NCKAP5: variants seen among roughly 807,000 people sequenced by gnomAD.
NCKAP5 encodes the protein NCK associated protein 5, also known as nck-associated protein 5.
NCKAP5 carries 92 observed loss-of-function variants against 167.0 expected under a neutral mutation model. That is an observed-to-expected ratio of 0.55 (90% CI 0.47 to 0.66). The LOEUF is 0.66. Among genes scored for constraint, NCKAP5 ranks in the 30% least tolerant of loss-of-function variants. The pLI is 0.00. For missense variants in NCKAP5, 2,378 were observed against 2,315.0 expected (o/e 1.03, Z -0.56); for synonymous variants, 891 against 877.4 (o/e 1.02, Z -0.27).
chr2:132,892,770 C>A (rs1160539030), intron 8 of NCKAP5, among the ~76,000 whole-genome samples: 3 of 152,008 alleles, frequency 2.0e-5, no homozygotes, highest in African/African-American at 7.2e-5. Flanking sequence ...CAATATAAAT[C>A]CTTTGTGTTG....
intron 19 of NCKAP5, among the ~76,000 whole-genome samples, chr2:132,696,188 C>T (rs1055998900): frequency 3.3e-5 from 5 of 152,170 alleles, no homozygotes; most frequent in Non-Finnish European, 7.3e-5. Context: ...ATGATGACTC[C>T]AGAGAAGGGC....
intron 16 of NCKAP5, among the ~76,000 whole-genome samples, chr2:132,746,435 C>A (rs1214716657): frequency 2.0e-5 from 3 of 151,828 alleles, no homozygotes; most frequent in Admixed American, 6.6e-5. Flanking sequence ...ACAAAACATC[C>A]AGAAGAAAAT....
In NCKAP5 at chr2:132,701,058, C is replaced by T. The variant is rs575769104; in HGVS notation, c.5713+24569G>A. Among the ~76,000 whole-genome samples, 482 of 151,340 alleles carry T rather than the reference C, an allele frequency of 3.2e-3. 1 individual carries two copies. Among genetic ancestry groups the T allele is most frequent in the African/African-American group, 8.8e-3 (360 of 40,910 alleles). The stretch of plus-strand genomic sequence containing the variant: ...CTTTTAATATAAGTAATATACTTAA[C>T]GATAAATACAATAAGTATTACATAT... On this transcript the variant is annotated intron_variant, in intron 19 of 19. Transcript: ENST00000409261.
At chr2:133,307,089 T>C (rs1398106142) in intron 3 of NCKAP5, among the ~76,000 whole-genome samples, 2 of 152,222 alleles carry the variant, frequency 1.3e-5, no homozygotes, top group African/African-American at 2.4e-5. Context: ...AGCACAAAGA[T>C]ACTATTAAAC....
chr2:132,820,555 T>G (rs182715366), intron 11 of NCKAP5, among the ~76,000 whole-genome samples: 1 of 151,492 alleles, frequency 6.6e-6, no homozygotes, highest in East Asian at 1.9e-4. Flanking sequence ...TTGTTTTTTG[T>G]TTTTTTTAAA....
chr2:133,559,496 T>C (rs1688008142), intron 1 of NCKAP5, among the ~76,000 whole-genome samples: 1 of 152,162 alleles, frequency 6.6e-6, no homozygotes, highest in Non-Finnish European at 1.5e-5. Flanking sequence ...GTTTTTAAAA[T>C]TGTTTTTTTA....
intron 19 of NCKAP5, among the ~76,000 whole-genome samples, chr2:132,701,017 G>C (rs997658012): frequency 1.3e-5 from 2 of 151,564 alleles, no homozygotes; most frequent in African/African-American, 4.9e-5. Context: ...TCGGCAATAG[G>C]TCTGTGGGTA....
chr2:133,644,138 G>GTCC, the NCKAP5 span, among the ~76,000 whole-genome samples: 1 of 152,166 alleles, frequency 6.6e-6, no homozygotes, highest in Non-Finnish European at 1.5e-5. Context: ...TGTCTGTGAG[G>GTCC]ATGTTCCTGG....
At chr2:133,124,832 GA>G (rs2082351602) in intron 6 of NCKAP5, among the ~76,000 whole-genome samples, 1 of 152,278 alleles carries the variant, frequency 6.6e-6, no homozygotes, top group African/African-American at 2.4e-5. Flanking sequence ...AAGATCACCT[GA>G]GCCCAGGAGT....
At chr2:133,673,960 T>C in the NCKAP5 span, among the ~76,000 whole-genome samples, 8 of 152,196 alleles carry the variant, frequency 5.3e-5, no homozygotes, top group Non-Finnish European at 1.2e-4. Flanking sequence ...TCAATGCCCC[T>C]GCTCAGCCAT....
chr2:133,123,871 T>C (rs1429520610), intron 6 of NCKAP5: 1 of 467,426 alleles, frequency 2.1e-6, no homozygotes, highest in African/African-American at 2.0e-5. Flanking sequence ...GGTAGAACAT[T>C]TAAGGGCATA....
At chr2:133,363,046 G>A (rs1488821204) in intron 3 of NCKAP5, among the ~76,000 whole-genome samples, 2 of 152,092 alleles carry the variant, frequency 1.3e-5, no homozygotes, top group South Asian at 2.1e-4. Flanking sequence ...GATTACAGGC[G>A]TGAGCCACCG....
In NCKAP5 at chr2:132,859,311, T is replaced by C. The variant is rs570944514; in HGVS notation, c.807+1181A>G. On this transcript the variant is annotated intron_variant, in intron 11 of 19. Transcript: ENST00000409261. Reference sequence around the variant, plus strand: ...TCTTTCTCTGAAATGAATTACAATTTCCCGTTATTTCTCTGAGGAGTCCTA... The same window carrying C: ...TCTTTCTCTGAAATGAATTACAATTCCCCGTTATTTCTCTGAGGAGTCCTA... Among the ~76,000 whole-genome samples, 5 of 152,284 alleles carry C rather than the reference T, an allele frequency of 3.3e-5. No homozygotes were observed. In the South Asian group the frequency reaches 1.0e-3, roughly 32 times the overall value.
At chr2:133,069,161 G>C (rs180921362) in intron 6 of NCKAP5, among the ~76,000 whole-genome samples, 34 of 152,224 alleles carry the variant, frequency 2.2e-4, no homozygotes, top group African/African-American at 7.7e-4. Context: ...GATGCCTTAA[G>C]GTCTTTCTTC....
intron 6 of NCKAP5, 62 bp from the exon 7 acceptor site, chr2:132,994,301 G>T: frequency 1.6e-6 from 2 of 1,220,150 alleles, no homozygotes; most frequent in South Asian, 1.4e-5. Context: ...GGATCCACTC[G>T]AGTTGTAGAA....
chr2:132,962,488 A>C (rs2076543752), intron 8 of NCKAP5, among the ~76,000 whole-genome samples: 1 of 152,174 alleles, frequency 6.6e-6, no homozygotes, highest in African/African-American at 2.4e-5. Flanking sequence ...TCACCGAGGA[A>C]ATTAGTGTAA....
the NCKAP5 span, among the ~76,000 whole-genome samples, chr2:133,601,468 G>A: frequency 2.6e-5 from 4 of 152,236 alleles, no homozygotes; most frequent in Non-Finnish European, 2.9e-5. Context: ...AGTGTTTCAC[G>A]CCTATAACCC....
At chr2:133,020,159 A>T (rs1281392776) in intron 6 of NCKAP5, among the ~76,000 whole-genome samples, 2 of 152,270 alleles carry the variant, frequency 1.3e-5, no homozygotes, top group Non-Finnish European at 2.9e-5. Flanking sequence ...CATTGGAGCC[A>T]CCAAAGACGA....
intron 8 of NCKAP5, among the ~76,000 whole-genome samples, chr2:132,944,189 G>A (rs1697519420): frequency 6.6e-6 from 1 of 152,160 alleles, no homozygotes; most frequent in African/African-American, 2.4e-5. Flanking sequence ...GGGAATATGG[G>A]AGTTATCCCT....
Sources: allele counts gnomAD v4.1 joint callset (sites outside exome capture counted in the v4.1 genomes callset), GRCh38; gene constraint gnomAD v4.1.1; transcripts MANE v1.5; gene names NCBI Gene and HGNC (gene_info 2026-07-23, HGNC 2026-07-21).